PRORP: variants seen among roughly 807,000 people sequenced by gnomAD.
The protein encoded by PRORP is protein only RNase P catalytic subunit, also known as mitochondrial ribonuclease P catalytic subunit.
A neutral mutation model predicts 59.4 loss-of-function variants in PRORP; 51 were observed. The ratio of observed to expected loss-of-function variants is 0.86; its 90% confidence interval spans 0.69 to 1.08. The LOEUF is 1.08. Among genes scored for constraint, PRORP ranks in the 50% least tolerant of loss-of-function variants. PRORP has a pLI of 0.00. For missense variants in PRORP, 646 were observed against 690.3 expected, an observed-to-expected ratio of 0.94 and a Z score of 0.72; for synonymous variants, 231 against 245.6, an observed-to-expected ratio of 0.94 and a Z score of 0.55.
intron 5 of PRORP, among the ~76,000 whole-genome samples, chr14:35,232,607 C>T (rs565809072): frequency 6.6e-6 from 1 of 152,238 alleles, no homozygotes; most frequent in South Asian, 2.1e-4. Context: ...TTGCTTGGCC[C>T]ATAGTAAGTC....
chr14:35,240,330 G>C (rs1160781452), intron 5 of PRORP, among the ~76,000 whole-genome samples: 1 of 103,244 alleles, frequency 9.7e-6, no homozygotes, highest in Non-Finnish European at 1.9e-5. Flanking sequence ...AAATTTACCC[G>C]GGTGGGTTTT....
chr14:35,214,283 C>G (rs1262994323), intron 5 of PRORP, among the ~76,000 whole-genome samples: 1 of 152,044 alleles, frequency 6.6e-6, no homozygotes, highest in African/African-American at 2.4e-5. Flanking sequence ...TTATGGGTAG[C>G]CATTTGTAAA....
At chr14:35,153,874 TTTC>T (rs1190007400) in intron 4 of PRORP, among the ~76,000 whole-genome samples, 1 of 152,214 alleles carries the variant, frequency 6.6e-6, no homozygotes, top group Non-Finnish European at 1.5e-5. Flanking sequence ...ACTAATTCTG[TTTC>T]TTAACTAATT....
chr14:35,190,502 TTTTA>T (rs1385678556), intron 5 of PRORP, among the ~76,000 whole-genome samples: 5 of 152,090 alleles, frequency 3.3e-5, no homozygotes, highest in Non-Finnish European at 7.4e-5. Context: ...ATTTTATTAT[TTTTA>T]TTTATTTTTA....
intron 5 of PRORP, among the ~76,000 whole-genome samples, chr14:35,225,386 G>A (rs1268084111): frequency 3.3e-5 from 5 of 151,140 alleles, no homozygotes; most frequent in East Asian, 1.9e-4. Flanking sequence ...TGCTCTTGTC[G>A]CCCAGGCTGG....
intron 4 of PRORP, among the ~76,000 whole-genome samples, chr14:35,139,135 A>G (rs2047431186): frequency 1.4e-5 from 2 of 145,280 alleles, no homozygotes; most frequent in African/African-American, 2.4e-5. Context: ...TTTGTTGTTA[A>G]AATTAGAGAT....
chr14:35,187,878 C>T (rs1025929134), intron 5 of PRORP, among the ~76,000 whole-genome samples: 3 of 151,044 alleles, frequency 2.0e-5, no homozygotes, highest in African/African-American at 7.3e-5. Context: ...GACAGAGTCT[C>T]GCTTTGTCGC....
chr14:35,153,101 A>G (rs1278707950), intron 4 of PRORP, among the ~76,000 whole-genome samples: 1 of 152,246 alleles, frequency 6.6e-6, no homozygotes. Context: ...CCTGGGCAAC[A>G]TTGAGCACTG....
At chr14:35,228,244 T>C (rs2049986738) in intron 5 of PRORP, among the ~76,000 whole-genome samples, 14 of 152,212 alleles carry the variant, frequency 9.2e-5, no homozygotes, top group Admixed American at 9.2e-4. Flanking sequence ...TGCCTTCCCT[T>C]GTGTGTGAAA....
At chr14:35,192,063 C>T (rs1382265135) in intron 5 of PRORP, among the ~76,000 whole-genome samples, 1 of 152,172 alleles carries the variant, frequency 6.6e-6, no homozygotes, top group Non-Finnish European at 1.5e-5. Context: ...TCCCTTTACA[C>T]TTAGAATAAA....
At chr14:35,164,735 A>G (rs1044061756) in intron 4 of PRORP, among the ~76,000 whole-genome samples, 11 of 152,176 alleles carry the variant, frequency 7.2e-5, no homozygotes, top group Admixed American at 2.0e-4. Context: ...GATCTGCTGT[A>G]TCTGAAATAA....
At chr14:35,257,286 T>TG (rs1347373646) in intron 5 of PRORP, among the ~76,000 whole-genome samples, 1 of 152,224 alleles carries the variant, frequency 6.6e-6, no homozygotes, top group African/African-American at 2.4e-5. Context: ...GTGCAACTGT[T>TG]GCCACCATTC....
At chr14:35,260,093 C>T (rs544652816) in intron 5 of PRORP, among the ~76,000 whole-genome samples, 2 of 144,658 alleles carry the variant, frequency 1.4e-5, no homozygotes, top group African/African-American at 2.6e-5. Flanking sequence ...CTCACTGCAG[C>T]ATTGATCTAC....
At chr14:35,203,433 G>A (rs935268128) in intron 5 of PRORP, among the ~76,000 whole-genome samples, 2 of 152,132 alleles carry the variant, frequency 1.3e-5, no homozygotes, top group Admixed American at 6.5e-5. Flanking sequence ...AGGCTGGGGT[G>A]GGAGGATCAC....
chr14:35,182,902 A>G (rs533133232), intron 5 of PRORP, among the ~76,000 whole-genome samples: 106 of 152,300 alleles, frequency 7.0e-4, no homozygotes, highest in South Asian at 1.9e-3. Context: ...ACACTAGTAC[A>G]TAAAGAAATG....
intron 5 of PRORP, among the ~76,000 whole-genome samples, chr14:35,219,922 TAGA>T (rs959415098): frequency 2.6e-5 from 4 of 152,182 alleles, no homozygotes; most frequent in African/African-American, 9.7e-5. Context: ...TTCTTAAATT[TAGA>T]AGGTCTTAAA....
At chr14:35,204,304 A>G (rs1019462469) in intron 5 of PRORP, among the ~76,000 whole-genome samples, 1 of 152,148 alleles carries the variant, frequency 6.6e-6, no homozygotes, top group Non-Finnish European at 1.5e-5. Flanking sequence ...AGACCACAAA[A>G]CCTAACATTT....
chr14:35,180,524 A>ATT, intron 4 of PRORP, 146 bp from the exon 5 acceptor site: 1 of 422,286 alleles, frequency 2.4e-6, no homozygotes. Context: ...TTTGTAGAGT[A>ATT]TCTGTGTGTG....
intron 5 of PRORP, among the ~76,000 whole-genome samples, chr14:35,251,323 A>G (rs1286810727): frequency 6.6e-6 from 1 of 152,196 alleles, no homozygotes; most frequent in East Asian, 1.9e-4. Context: ...ACACAAGTTT[A>G]TAGCAGCACA....
Sources: gnomAD v4.1 joint callset for allele counts (sites outside exome capture counted in the v4.1 genomes callset) on GRCh38, gnomAD v4.1.1 for gene constraint, MANE v1.5 for transcripts, NCBI Gene and HGNC (gene_info 2026-07-23, HGNC 2026-07-21) for gene names.